GRIA4: variants seen among roughly 807,000 people sequenced by gnomAD.
GRIA4 encodes the protein glutamate ionotropic receptor AMPA type subunit 4.
Under a neutral mutation model 104.0 loss-of-function variants are expected in GRIA4, and 34 were observed. The ratio of observed to expected loss-of-function variants is 0.33; its 90% CI spans 0.25 to 0.44. The LOEUF is 0.44. Ranked by LOEUF, GRIA4 falls within the 20% of genes least tolerant of loss-of-function variation. GRIA4 has a pLI of 1.00. For missense variants in GRIA4, 750 were observed against 1,096.5 expected, an observed-to-expected ratio of 0.68 and a Z score of 4.46; for synonymous variants, 386 against 381.9, an observed-to-expected ratio of 1.01 and a Z score of -0.13.
At chr11:105,870,428 C>G (rs1174695165) in intron 5 of GRIA4, among the ~76,000 whole-genome samples, 1 of 151,812 alleles carries the variant, frequency 6.6e-6, no homozygotes, top group Non-Finnish European at 1.5e-5. Flanking sequence ...CCAGTACCTA[C>G]TAATTTCCAA....
intron 4 of GRIA4, among the ~76,000 whole-genome samples, chr11:105,784,161 C>G (rs957376661): frequency 6.6e-6 from 1 of 152,086 alleles, no homozygotes; most frequent in African/African-American, 2.4e-5. Flanking sequence ...TAGAACAGTA[C>G]CTGGGTCACT....
At chr11:105,628,817 T>C (rs1375507661) in intron 3 of GRIA4, among the ~76,000 whole-genome samples, 1 of 152,198 alleles carries the variant, frequency 6.6e-6, no homozygotes, top group Non-Finnish European at 1.5e-5. Context: ...TTTAACAGAA[T>C]TGATAAAATC....
Position 105,713,380 on chromosome 11 carries a change from C to CA in GRIA4, c.248-39588dup, listed in dbSNP as rs745560345. ...CAGGAAGACAGATTGAACTGCATCT[C>CA]AAAAAAAAAAAAATTCTGAAATTCT... On this transcript the variant is annotated intron_variant, in intron 3 of 16. Coordinates refer to ENST00000282499, the MANE Select transcript of GRIA4 (RefSeq NM_000829.4). Among the ~76,000 whole-genome samples, 190 of 136,256 alleles carry CA rather than the reference C, an allele frequency of 1.4e-3. 1 individual carries two copies. The highest frequency in any genetic ancestry group is 6.0e-3 in the Admixed American group (81 of 13,460). The allele number at this position is 136,256 out of a possible 152,430, so 89.4% of individuals were successfully genotyped here.
At chr11:105,708,316 G>C (rs1180614721) in intron 3 of GRIA4, among the ~76,000 whole-genome samples, 1 of 152,042 alleles carries the variant, frequency 6.6e-6, no homozygotes, top group Non-Finnish European at 1.5e-5. Flanking sequence ...AACATAGGGT[G>C]GCTGGGAATG....
At chr11:105,965,043 G>A (rs1591493663) in intron 14 of GRIA4, among the ~76,000 whole-genome samples, 2 of 152,216 alleles carry the variant, frequency 1.3e-5, no homozygotes, top group Admixed American at 6.5e-5. Flanking sequence ...CTGACCTCAG[G>A]TGACTGACCG....
At chr11:105,786,370 C>T (rs1941968821) in intron 4 of GRIA4, among the ~76,000 whole-genome samples, 1 of 152,026 alleles carries the variant, frequency 6.6e-6, no homozygotes, top group South Asian at 2.1e-4. Flanking sequence ...ATCATTTGAA[C>T]AATGTAGATG....
intron 11 of GRIA4, among the ~76,000 whole-genome samples, chr11:105,919,473 T>C (rs184101918): frequency 6.6e-6 from 1 of 152,272 alleles, no homozygotes; most frequent in East Asian, 1.9e-4. Context: ...CTTTATGCAG[T>C]GCCATCATTT....
In GRIA4 at chr11:105,743,444, C is replaced by T. The variant is rs375139555; in HGVS notation, c.248-9537C>T. Among the ~76,000 whole-genome samples, 4 of 152,276 alleles carry T rather than the reference C, an allele frequency of 2.6e-5. No homozygotes were observed. In the East Asian group the frequency reaches 7.7e-4, roughly 29 times the overall value. ...CCTTCTCTGACTTCATCTGCCAGGT[C>T]TCCTATTCCTCCAATAATATCTGCT... On this transcript the variant is annotated intron_variant, in intron 3 of 16. Transcript: ENST00000282499.
chr11:105,822,875 G>T (rs1591308135), intron 4 of GRIA4, among the ~76,000 whole-genome samples: 1 of 152,222 alleles, frequency 6.6e-6, no homozygotes, highest in African/African-American at 2.4e-5. Flanking sequence ...TGAGTAGAGT[G>T]TAAATGTTGA....
intron 3 of GRIA4, among the ~76,000 whole-genome samples, chr11:105,698,956 G>A (rs1356622796): frequency 1.3e-5 from 2 of 152,152 alleles, no homozygotes; most frequent in African/African-American, 4.8e-5. Context: ...GCACAAAAGA[G>A]CTACCCAATT....
chr11:105,742,830 G>A (rs59209066), intron 3 of GRIA4, among the ~76,000 whole-genome samples: 4 of 151,966 alleles, frequency 2.6e-5, no homozygotes, highest in African/African-American at 7.2e-5. Context: ...TCCACCTCCC[G>A]GGTTCAAGCG....
intron 3 of GRIA4, among the ~76,000 whole-genome samples, chr11:105,628,723 C>G (rs1290359451): frequency 6.6e-6 from 1 of 152,060 alleles, no homozygotes; most frequent in African/African-American, 2.4e-5. Flanking sequence ...AATGCACATG[C>G]CTTTAGCATT....
At chr11:105,683,616 T>G (rs951669667) in intron 3 of GRIA4, among the ~76,000 whole-genome samples, 2 of 152,168 alleles carry the variant, frequency 1.3e-5, no homozygotes, top group East Asian at 1.9e-4. Flanking sequence ...TGTAGAAATA[T>G]TTACTCTTTT....
At chr11:105,746,422 T>A (rs1939661586) in intron 3 of GRIA4, among the ~76,000 whole-genome samples, 1 of 152,014 alleles carries the variant, frequency 6.6e-6, no homozygotes, top group Admixed American at 6.6e-5. Flanking sequence ...TTGGCTTTTT[T>A]TTTTTAGAAG....
At chr11:105,645,157 A>T (rs1256698897) in intron 3 of GRIA4, among the ~76,000 whole-genome samples, 1 of 152,212 alleles carries the variant, frequency 6.6e-6, no homozygotes, top group East Asian at 1.9e-4. Flanking sequence ...CAGAAAAGAG[A>T]TGGGTCGGGG....
rs1045155412 is a variant in GRIA4, at chr11:105,980,997, T to C, written c.*1258T>C. 1 of 152,624 alleles carries C rather than the reference T, an allele frequency of 6.6e-6. No individual in the cohort carries two copies. Among genetic ancestry groups the C allele is most frequent in the Admixed American group, 6.5e-5 (1 of 15,270 alleles). The allele number at this position is 152,624 out of a possible 1,614,324, so 9.5% of individuals were successfully genotyped here. A position where few individuals can be genotyped will look rare whatever the true frequency, so the allele number is the denominator to read the frequency against. On this transcript the variant is annotated 3_prime_UTR_variant, in exon 17 of 17. Coordinates refer to ENST00000282499, the MANE Select transcript of GRIA4 (RefSeq NM_000829.4). ...TTGACTGTATTTTGCTGCATAAAAT[T>C]ATGTGTCTCTTGGGCTTCTTCCCTT...
rs571549661 is a variant in GRIA4, at chr11:105,981,339, T to C, written c.*1600T>C. ...GAGTTTTAACAGGAGGAGAAGGTGT[T>C]AAGAGCCATATGAGTGAGCAGTGGC... is the stretch of plus-strand genomic sequence containing the variant. On this transcript the variant is annotated 3_prime_UTR_variant, in exon 17 of 17. Transcript: ENST00000282499. 24 of 152,562 alleles carry C rather than the reference T, an allele frequency of 1.6e-4. No homozygotes were observed. The highest frequency in any genetic ancestry group is 2.6e-4 in the Admixed American group (4 of 15,270). The allele number at this position is 152,562 out of a possible 1,614,324, so 9.5% of individuals were successfully genotyped here. A position where few individuals can be genotyped will look rare whatever the true frequency, so the allele number is the denominator to read the frequency against.
Position 105,622,009 on chromosome 11 carries a change from C to T in GRIA4, c.247+9575C>T, listed in dbSNP as rs1373568809. On this transcript the variant is annotated intron_variant, in intron 3 of 16. Coordinates refer to ENST00000282499, the MANE Select transcript of GRIA4 (RefSeq NM_000829.4). ...CTTCTTTCTCTGTTTTTTTCCTTTA[C>T]AAATGTTTTCTTTCTCGGTTGTGAG... Among the ~76,000 whole-genome samples, 4 of 151,564 alleles carry T rather than the reference C, an allele frequency of 2.6e-5. No individual in the cohort carries two copies. The East Asian group carries it at 5.8e-4, about 22-fold the overall frequency.
At chr11:105,896,657 T>C (rs905783478) in intron 6 of GRIA4, among the ~76,000 whole-genome samples, 2 of 152,196 alleles carry the variant, frequency 1.3e-5, no homozygotes, top group Non-Finnish European at 2.9e-5. Context: ...ATATTATTTA[T>C]TGAATAGAGT....
Sources: gnomAD v4.1 joint callset for allele counts (sites outside exome capture counted in the v4.1 genomes callset) on GRCh38, gnomAD v4.1.1 for gene constraint, MANE v1.5 for transcripts, NCBI Gene and HGNC (gene_info 2026-07-23, HGNC 2026-07-21) for gene names.